The following TRMT9B variants were observed in gnomAD, a reference collection of about 807,000 sequenced individuals.
TRMT9B encodes the protein probable tRNA methyltransferase 9B.
In TRMT9B, 16 loss-of-function variants were observed where a neutral mutation model predicts 11.5. The observed-to-expected ratio is 1.39, with a 90% confidence interval of 0.94 to 2.11. The LOEUF is 2.11. Ranked by LOEUF, TRMT9B falls within the 30% of genes most tolerant of loss-of-function variation. The pLI, the probability that TRMT9B is intolerant of heterozygous loss-of-function variation, is 0.00. For missense variants in TRMT9B, 941 were observed against 553.8 expected, an observed-to-expected ratio of 1.70 and a Z score of -7.02; for synonymous variants, 274 against 192.4, an observed-to-expected ratio of 1.42 and a Z score of -3.51.
chr8:12,981,988 ACCTCC>A (rs1805470789), intron 1 of TRMT9B, among the ~76,000 whole-genome samples: 1 of 152,128 alleles, frequency 6.6e-6, no homozygotes, highest in Non-Finnish European at 1.5e-5. Context: ...TGAGATCATG[ACCTCC>A]TAAATTTTAT....
In TRMT9B at chr8:13,027,077, C is replaced by A. The variant is rs994506642; in HGVS notation, c.*5033C>A. On this transcript the variant is annotated 3_prime_UTR_variant, in exon 5 of 5. Transcript: ENST00000524591. ...CTTTCAACAATTATATTATTGTTTT[C>A]CCATTTTATAAGTAAGGCAACTGAG... 1 of 167,000 alleles carries A rather than the reference C, an allele frequency of 6.0e-6. No homozygotes were observed. The highest frequency in any genetic ancestry group is 1.5e-5 in the Non-Finnish European group (1 of 68,110). The allele number at this position is 167,000 out of a possible 1,614,324, so 10.3% of individuals were successfully genotyped here.
Position 13,017,122 on chromosome 8 carries a change from C to CA in TRMT9B, c.329-3879dup, listed in dbSNP as rs1450034984. 2.0e-5 allele frequency among the ~76,000 whole-genome samples: 3 copies of CA among 151,734 alleles called. 1 individual carries two copies. Among genetic ancestry groups the CA allele is most frequent in the South Asian group, 2.1e-4 (1 of 4,766 alleles). On this transcript the variant is annotated intron_variant, in intron 4 of 4. Coordinates refer to ENST00000524591, the MANE Select transcript of TRMT9B (RefSeq NM_020844.3). The stretch of plus-strand genomic sequence containing the variant: ...TGGGCGACAGAGCAAGACTGCGTCT[C>CA]AAAAAAACCCCGAATTATCTAGCCC...
At chr8:13,019,024 T>G (rs558220) in intron 4 of TRMT9B, among the ~76,000 whole-genome samples, 112,300 of 151,724 alleles carry the variant, frequency 0.74, 42,124 homozygotes, top group Non-Finnish European at 0.8. Context: ...CTGGGAATAT[T>G]TGCACTGAGA....
In TRMT9B at chr8:13,012,843, T is replaced by C; in HGVS notation, c.314T>C (p.Ile105Thr). Residue 105 changes from isoleucine to threonine, a missense_variant, in exon 4 of 5, where the codon ATC (isoleucine) becomes ACC (threonine). By Grantham distance (89) the Ile-to-Thr change is moderately conservative. Coordinates refer to ENST00000524591, the MANE Select transcript of TRMT9B (RefSeq NM_020844.3). ...TTTAGGGATGAGGGCTTCGATGCCA[T>C]CATCTCCATAGGAGGTAAGGCAGCC... ...LPFRDEGFDAIISIGVIHHFS... is the reference protein window; with the variant it reads ...LPFRDEGFDATISIGVIHHFS... 1 of 1,613,844 alleles carries C rather than the reference T, an allele frequency of 6.2e-7. No individual in the cohort carries two copies. Among genetic ancestry groups the C allele is most frequent in the Non-Finnish European group, 8.5e-7 (1 of 1,179,834 alleles).
At position 12,999,238 on chromosome 8, in the gene TRMT9B, G is replaced by A. The variant is rs967353020; in HGVS notation, c.-1-6964G>A. Among the ~76,000 whole-genome samples the A allele has an allele frequency of 2.0e-5, 3 of 149,568 alleles. No homozygotes were observed. The East Asian group carries it at 6.0e-4, about 30-fold the overall frequency. ...CGCTTGAACCTGGGAGGCGGAGGTT[G>A]CAGTGAGCCAAGATCATGCCATCGC... On this transcript the variant is annotated intron_variant, in intron 2 of 4. Coordinates refer to ENST00000524591, the MANE Select transcript of TRMT9B (RefSeq NM_020844.3).
rs143449358 is a variant in TRMT9B at position 13,015,058 on chromosome 8, G to GAAATAAAT, written c.328+2237_328+2244dup. Among the ~76,000 whole-genome samples the GAAATAAAT allele has an allele frequency of 8.8e-3, 1,284 of 145,540 alleles. 11 individuals carry two copies. The highest frequency in any genetic ancestry group is 0.018 in the East Asian group (88 of 4,860). On this transcript the variant is annotated intron_variant, in intron 4 of 4. Coordinates refer to ENST00000524591, the MANE Select transcript of TRMT9B (RefSeq NM_020844.3). ...TAAGCAACAGAGTGAGACTCCATCT[G>GAAATAAAT]AAATAAATAAATAAATAAATAAATA...
intron 1 of TRMT9B, among the ~76,000 whole-genome samples, chr8:12,989,863 C>G (rs1807019245): frequency 6.6e-6 from 1 of 152,230 alleles, no homozygotes; most frequent in Non-Finnish European, 1.5e-5. Flanking sequence ...GCTTCTGTGG[C>G]TCTCAATGGC....
chr8:12,960,004 T>C (rs796903115), intron 1 of TRMT9B: 3 of 152,338 alleles, frequency 2.0e-5, no homozygotes, highest in African/African-American at 7.2e-5. Context: ...TACGTGCAGC[T>C]GATCTCAATT....
At chr8:13,011,973 A>G in intron 3 of TRMT9B, 1 of 985,338 alleles carries the variant, frequency 1.0e-6, no homozygotes, top group Non-Finnish European at 1.2e-6. Context: ...CTTTGGAGAG[A>G]CAACAGGAGA....
intron 1 of TRMT9B, among the ~76,000 whole-genome samples, chr8:12,975,663 G>T (rs10095300): frequency 6.6e-6 from 1 of 152,100 alleles, no homozygotes; most frequent in Non-Finnish European, 1.5e-5. Context: ...CTTTGAACCC[G>T]TGAGGTGGAG....
At chr8:13,012,254 G>A (rs1312986044) in intron 3 of TRMT9B, 17 of 985,362 alleles carry the variant, frequency 1.7e-5, no homozygotes, top group Non-Finnish European at 2.0e-5. Context: ...TTCACACCAT[G>A]TTGTATTCTG....
intron 1 of TRMT9B, among the ~76,000 whole-genome samples, chr8:12,958,013 GTA>G (rs1461677593): frequency 5.3e-5 from 8 of 152,010 alleles, no homozygotes; most frequent in Non-Finnish European, 1.2e-4. Flanking sequence ...CACTTATATA[GTA>G]TATTAGTCCG....
chr8:12,986,428 G>T (rs1009944791), intron 1 of TRMT9B, among the ~76,000 whole-genome samples: 2 of 152,140 alleles, frequency 1.3e-5, no homozygotes, highest in African/African-American at 4.8e-5. Flanking sequence ...TCTAGAAAGT[G>T]CTGCCGTCAA....
chr8:13,026,672 A>C lies in TRMT9B; in HGVS notation c.*4628A>C, dbSNP rs1159045843. ...TGCAGATGAGGAAAACTGAGGCAGA[A>C]AGAAATTAAATTGCTTAAGGTTACA... On this transcript the variant is annotated 3_prime_UTR_variant, in exon 5 of 5. Coordinates refer to ENST00000524591, the MANE Select transcript of TRMT9B (RefSeq NM_020844.3). 3 of 167,182 alleles carry C rather than the reference A, an allele frequency of 1.8e-5. No individual in the cohort carries two copies. Among genetic ancestry groups the C allele is most frequent in the Admixed American group, 6.5e-5 (1 of 15,294 alleles). The allele number at this position is 167,182 out of a possible 1,614,324, so 10.4% of individuals were successfully genotyped here.
At chr8:12,969,566 A>C (rs1219222089) in intron 1 of TRMT9B, among the ~76,000 whole-genome samples, 1 of 152,168 alleles carries the variant, frequency 6.6e-6, no homozygotes, top group African/African-American at 2.4e-5. Context: ...ACCTAATACA[A>C]TGTAAGTGCT....
intron 3 of TRMT9B, chr8:13,010,461 C>A: frequency 9.1e-6 from 9 of 985,022 alleles, no homozygotes; most frequent in Non-Finnish European, 1.1e-5. Flanking sequence ...CTAAAGTCAT[C>A]AGCTGTTTGA....
chr8:12,972,392 G>A (rs1803771721), intron 1 of TRMT9B, among the ~76,000 whole-genome samples: 1 of 152,142 alleles, frequency 6.6e-6, no homozygotes, highest in Admixed American at 6.5e-5. Context: ...CTTGCTTGTG[G>A]GCGAGGTGTC....
At chr8:13,010,577 G>C (rs993365310) in intron 3 of TRMT9B, 7 of 985,192 alleles carry the variant, frequency 7.1e-6, no homozygotes, top group Non-Finnish European at 8.4e-6. Context: ...CAAATCAAGA[G>C]TTCTAGGGCA....
At chr8:12,987,326 C>T (rs997660153) in intron 1 of TRMT9B, among the ~76,000 whole-genome samples, 2 of 152,106 alleles carry the variant, frequency 1.3e-5, no homozygotes, top group African/African-American at 2.4e-5. Flanking sequence ...ATAATTAATA[C>T]AGACACTTCT....
Sources: gnomAD v4.1 joint callset for allele counts (sites outside exome capture counted in the v4.1 genomes callset) on GRCh38, gnomAD v4.1.1 for gene constraint, MANE v1.5 for transcripts, NCBI Gene and HGNC (gene_info 2026-07-23, HGNC 2026-07-21) for gene names.